The following WWOX variants were observed in gnomAD, a reference collection of about 807,000 sequenced individuals.
The protein encoded by WWOX is WW domain containing oxidoreductase.
A neutral mutation model predicts 46.2 loss-of-function variants in WWOX; 69 were observed. That is an observed-to-expected ratio of 1.49 (90% CI 1.23 to 1.82). The LOEUF (loss-of-function observed/expected upper bound fraction) is 1.82. Among genes scored for constraint, WWOX ranks in the 40% most tolerant of loss-of-function variants. The pLI, the probability that WWOX is intolerant of heterozygous loss-of-function variation, is 0.00. For synonymous variants in WWOX, 359 were observed against 202.6 expected (o/e 1.77, Z -6.56); for missense variants, 919 against 542.6 (o/e 1.69, Z -6.89).
chr16:78,488,650 C>T (rs1362120046), intron 8 of WWOX, among the ~76,000 whole-genome samples: 1 of 152,106 alleles, frequency 6.6e-6, no homozygotes, highest in Non-Finnish European at 1.5e-5. Context: ...CATTAGGCGT[C>T]ATCTGAGACA....
At chr16:78,406,070 A>G (rs1342055578) in intron 6 of WWOX, among the ~76,000 whole-genome samples, 3 of 151,860 alleles carry the variant, frequency 2.0e-5, no homozygotes, top group African/African-American at 4.8e-5. Flanking sequence ...GTGAAAGTAA[A>G]TCGCTCATGT....
At chr16:78,106,786 A>C (rs181182528) in intron 1 of WWOX, among the ~76,000 whole-genome samples, 1 of 152,138 alleles carries the variant, frequency 6.6e-6, no homozygotes, top group South Asian at 2.1e-4. Flanking sequence ...TGTCCTTGCT[A>C]CTGATACCGT....
chr16:78,441,980 GTGTGT>G, intron 8 of WWOX, among the ~76,000 whole-genome samples: 1 of 150,322 alleles, frequency 6.7e-6, no homozygotes, highest in African/African-American at 2.5e-5. Context: ...GTGTGTGTGT[GTGTGT>G]GTGTGGCTGG....
At chr16:78,456,613 T>TA (rs1241123809) in intron 8 of WWOX, among the ~76,000 whole-genome samples, 2 of 152,226 alleles carry the variant, frequency 1.3e-5, no homozygotes, top group Admixed American at 1.3e-4. Flanking sequence ...TTCATTTTTA[T>TA]AAAAAAATTT....
chr16:78,926,561 A>G (rs1161606091), intron 8 of WWOX, among the ~76,000 whole-genome samples: 1 of 152,134 alleles, frequency 6.6e-6, no homozygotes, highest in Non-Finnish European at 1.5e-5. Flanking sequence ...ATTTTGCAGA[A>G]AGCAGACGTA....
In WWOX at chr16:78,826,307, T is replaced by C. The variant is rs192971506; in HGVS notation, c.1057-385301T>C. On this transcript the variant is annotated intron_variant, in intron 8 of 8. Transcript: ENST00000566780. ...GTTGCAGTGAGCCAAGATCGTGCCATTGCACTCCAGCCTGGGCAAAAAGAG... is the reference window on the plus strand; with the variant it reads ...GTTGCAGTGAGCCAAGATCGTGCCACTGCACTCCAGCCTGGGCAAAAAGAG... Among the ~76,000 whole-genome samples the C allele has an allele frequency of 2.2e-3, 336 of 152,288 alleles. 3 individuals are homozygous for C. The highest frequency in any genetic ancestry group is 6.8e-3 in the Middle Eastern group (2 of 294).
intron 8 of WWOX, among the ~76,000 whole-genome samples, chr16:78,569,903 C>A (rs557668813): frequency 1.3e-5 from 2 of 152,154 alleles, no homozygotes; most frequent in Admixed American, 1.3e-4. Flanking sequence ...CATAAATACC[C>A]ATCGGTACCT....
At chr16:79,061,311 AG>A (rs1280987199) in intron 8 of WWOX, among the ~76,000 whole-genome samples, 1 of 152,234 alleles carries the variant, frequency 6.6e-6, no homozygotes, top group Non-Finnish European at 1.5e-5. Flanking sequence ...TTATTATATT[AG>A]CCCGGCACTG....
intron 8 of WWOX, among the ~76,000 whole-genome samples, chr16:78,999,689 C>T (rs948364963): frequency 2.0e-5 from 3 of 152,010 alleles, no homozygotes; most frequent in Non-Finnish European, 2.9e-5. Flanking sequence ...AAATGGAGGC[C>T]TACTTAAGTC....
intron 8 of WWOX, among the ~76,000 whole-genome samples, chr16:79,009,582 C>G (rs2047262432): frequency 6.6e-6 from 1 of 152,258 alleles, no homozygotes; most frequent in Middle Eastern, 3.4e-3. Context: ...ATTCTCCTGC[C>G]TCAGCCCATA....
chr16:79,018,900 C>G (rs902412152), intron 8 of WWOX, among the ~76,000 whole-genome samples: 2 of 151,916 alleles, frequency 1.3e-5, no homozygotes, highest in Non-Finnish European at 2.9e-5. Context: ...CATGTAATCC[C>G]AACACTTTGG....
chr16:78,850,735 G>A (rs1400414612), intron 8 of WWOX, among the ~76,000 whole-genome samples: 3 of 152,006 alleles, frequency 2.0e-5, no homozygotes, highest in Non-Finnish European at 2.9e-5. Flanking sequence ...GTGGACTCAG[G>A]GCTCAATTCA....
rs181944280 is a variant in WWOX, at chr16:78,521,168, G to A, written c.1056+88416G>A. Among the ~76,000 whole-genome samples the A allele has an allele frequency of 7.2e-5, 11 of 152,246 alleles. No homozygotes were observed. In the South Asian group the frequency reaches 1.5e-3, roughly 20 times the overall value. ...TTAATTCTTCATTCCAGTGGCTTTT[G>A]GAGCAGCCTCAAAAGTCATTTTATC... On this transcript the variant is annotated intron_variant, in intron 8 of 8. Transcript: ENST00000566780.
chr16:78,200,821 G>C (rs542507156), intron 5 of WWOX, among the ~76,000 whole-genome samples: 22 of 152,232 alleles, frequency 1.4e-4, no homozygotes, highest in Non-Finnish European at 2.1e-4. Flanking sequence ...TTCACGATGG[G>C]CTGTGCTGGA....
chr16:78,441,074 C>G (rs2083434454), intron 8 of WWOX, among the ~76,000 whole-genome samples: 1 of 152,176 alleles, frequency 6.6e-6, no homozygotes, highest in Non-Finnish European at 1.5e-5. Flanking sequence ...TCCTGAGTAG[C>G]TGAGATTACA....
chr16:78,702,037 ATATATAT>A (rs2048231000), intron 8 of WWOX, among the ~76,000 whole-genome samples: 7 of 127,380 alleles, frequency 5.5e-5, no homozygotes, highest in African/African-American at 2.1e-4. Context: ...ATATATATAT[ATATATAT>A]AAAATAATGC....
chr16:78,152,266 G>T (rs542568225), intron 4 of WWOX, among the ~76,000 whole-genome samples: 61 of 151,878 alleles, frequency 4.0e-4, no homozygotes, highest in Non-Finnish European at 7.2e-4. Flanking sequence ...TTCTTTTTAG[G>T]TGTAACACAG....
chr16:79,010,847 C>G (rs549394304), intron 8 of WWOX, among the ~76,000 whole-genome samples: 2 of 151,766 alleles, frequency 1.3e-5, no homozygotes, highest in Non-Finnish European at 2.9e-5. Context: ...GTCTGGTGGC[C>G]TGTGTGGTGA....
chr16:79,020,654 A>G (rs569997509), intron 8 of WWOX, among the ~76,000 whole-genome samples: 6 of 152,184 alleles, frequency 3.9e-5, no homozygotes, highest in East Asian at 1.9e-4. Flanking sequence ...TTTCAGGCCA[A>G]TGTGATAATA....
Sources: allele counts gnomAD v4.1 joint callset (sites outside exome capture counted in the v4.1 genomes callset), GRCh38; gene constraint gnomAD v4.1.1; transcripts MANE v1.5; gene names NCBI Gene and HGNC (gene_info 2026-07-23, HGNC 2026-07-21).